Variants in HTT observed in about 807,000 individuals in gnomAD.
The protein encoded by HTT is huntington disease protein.
In HTT, 104 loss-of-function variants were observed where a neutral mutation model predicts 362.3. That is an observed-to-expected ratio of 0.29 (90% CI 0.24 to 0.34). HTT has a LOEUF of 0.34. HTT is among the 10% of genes least tolerant of loss of function. HTT has a pLI of 1.00. For missense variants in HTT, 3,301 were observed against 3,928.6 expected (o/e 0.84, Z 4.27); for synonymous variants, 1,577 against 1,548.7 (o/e 1.02, Z -0.43).
chr4:3,140,954 A>G (rs1288198216), intron 22 of HTT, among the ~76,000 whole-genome samples: 1 of 152,228 alleles, frequency 6.6e-6, no homozygotes, highest in African/African-American at 2.4e-5. Context: ...TATCTGTTAA[A>G]ACATTTTCAC....
At chr4:3,200,071 G>A in intron 41 of HTT, 132 bp downstream of exon 41, 1 of 699,552 alleles carries the variant, frequency 1.4e-6, no homozygotes, top group Non-Finnish European at 2.4e-6. Flanking sequence ...TGAAATTTCT[G>A]CTGCATATTA....
chr4:3,208,882 G>A lies in HTT; in HGVS notation c.6262G>A (p.Val2088Met), dbSNP rs1269392837. The change falls in exon 46 of 67, where the codon GTG (valine) becomes ATG (methionine). Residue 2088 changes from valine to methionine, a missense_variant. Physicochemically the swap from Val to Met is conservative, Grantham distance 21. Transcript: ENST00000355072. ...CCACCCGCTGGACGGGGATGGGCAC[G>A]TGTCACTGGAAACAGTGAGTCCGGA... is the stretch of plus-strand genomic sequence containing the variant. ...SSHPLDGDGH[V>M]SLETVSPDKD... The A allele has an allele frequency of 6.8e-6, 11 of 1,613,518 alleles. No homozygotes were observed. The highest frequency in any genetic ancestry group is 5.0e-5 in the Admixed American group (3 of 59,948).
chr4:3,105,990 T>C (rs756377910), intron 5 of HTT, among the ~76,000 whole-genome samples: 8 of 152,236 alleles, frequency 5.3e-5, no homozygotes, highest in Non-Finnish European at 5.9e-5. Flanking sequence ...ATGCTGATGC[T>C]GATATCCCAT....
At chr4:3,178,259 T>C (rs761652004) in intron 34 of HTT, 39 bp from the exon 35 acceptor site, 45 of 1,469,604 alleles carry the variant, frequency 3.1e-5, no homozygotes, top group Admixed American at 5.4e-5. Flanking sequence ...TGTATCTTAA[T>C]TTTAAAAGAA....
intron 10 of HTT, among the ~76,000 whole-genome samples, chr4:3,124,010 G>C (rs1327242633): frequency 6.6e-6 from 1 of 152,124 alleles, no homozygotes; most frequent in Non-Finnish European, 1.5e-5. Context: ...GTATTAAATG[G>C]GATCTTAACA....
intron 6 of HTT, among the ~76,000 whole-genome samples, chr4:3,113,480 C>T (rs1365417940): frequency 1.3e-5 from 2 of 152,132 alleles, no homozygotes; most frequent in East Asian, 3.9e-4. Context: ...CAGGTGCGTA[C>T]CACCATGCCT....
At chr4:3,201,435 C>T (rs1366290926) in intron 41 of HTT, among the ~76,000 whole-genome samples, 4 of 145,984 alleles carry the variant, frequency 2.7e-5, no homozygotes, top group African/African-American at 7.7e-5. Flanking sequence ...AAGGCTGAGG[C>T]GGGAGAATCG....
intron 1 of HTT, among the ~76,000 whole-genome samples, chr4:3,080,120 G>GT (rs1216737028): frequency 2.9e-5 from 4 of 139,052 alleles, no homozygotes; most frequent in African/African-American, 1.1e-4. Flanking sequence ...TTGAAACGGA[G>GT]TTTCGCTCTT....
intron 36 of HTT, among the ~76,000 whole-genome samples, chr4:3,181,703 C>G (rs937954889): frequency 6.6e-6 from 1 of 152,102 alleles, no homozygotes; most frequent in African/African-American, 2.4e-5. Flanking sequence ...AATTAAATCA[C>G]ATAATTGCAA....
At chr4:3,075,378 C>T (rs1047295690) in intron 1 of HTT, among the ~76,000 whole-genome samples, 8 of 152,262 alleles carry the variant, frequency 5.3e-5, no homozygotes, top group African/African-American at 9.6e-5. Context: ...GGCCTCAGCC[C>T]TCTCGCCCTT....
Position 3,115,442 on chromosome 4 carries a change from T to C in HTT, c.886T>C (p.Leu296=), listed in dbSNP as rs1210975325. ...CTATAGTTGGCTACTAAATGTGCTCTTAGGTAAGGTGGAGGCATATGAGTG... is the reference window on the plus strand; with the variant it reads ...CTATAGTTGGCTACTAAATGTGCTCCTAGGTAAGGTGGAGGCATATGAGTG... The part of the protein sequence containing the change: ...YFYSWLLNVL[L]GLLVPVEDEH... Residue 296 remains leucine (L), a synonymous_variant, in exon 7 of 67, where the codon TTA becomes CTA. Coordinates refer to ENST00000355072, the MANE Select transcript of HTT (RefSeq NM_001388492.1). 6.2e-7 allele frequency: 1 copy of C among 1,612,194 alleles called. No homozygotes were observed. The highest frequency in any genetic ancestry group is 1.3e-5 in the African/African-American group (1 of 74,880).
intron 56 of HTT, among the ~76,000 whole-genome samples, chr4:3,224,534 G>A (rs1197095272): frequency 6.6e-6 from 1 of 152,126 alleles, no homozygotes; most frequent in Admixed American, 6.5e-5. Context: ...TGAGCACCCC[G>A]CTCCCTGCAC....
At chr4:3,219,427 T>C (rs562684394) in intron 52 of HTT, among the ~76,000 whole-genome samples, 2 of 152,238 alleles carry the variant, frequency 1.3e-5, no homozygotes, top group South Asian at 4.2e-4. Flanking sequence ...AGTGCGGTCA[T>C]CTGGAAGGCA....
Position 3,233,218 on chromosome 4 carries a change from G to C in HTT, c.8321G>C (p.Ser2774Thr). 1 of 1,602,358 alleles carries C rather than the reference G, an allele frequency of 6.2e-7. No individual in the cohort carries two copies. The change falls in exon 61 of 67, where the codon AGC becomes ACC. Residue 2774 changes from serine (S) to threonine (T), a missense_variant. This residue lies in a region of HTT where 753 missense variants were observed against 1,021.3 expected (regional missense o/e 0.74). Coordinates refer to ENST00000355072, the MANE Select transcript of HTT (RefSeq NM_001388492.1). ...CTGCTGGAGAGCACGCTCAGGAGCA[G>C]CCACCTGCCCAGCAGGGTTGGAGCC... ...SRLLESTLRS[S>T]HLPSRVGALH... is the part of the protein sequence containing the mutation.
intron 53 of HTT, among the ~76,000 whole-genome samples, chr4:3,221,915 A>T (rs895370674): frequency 6.6e-6 from 1 of 152,268 alleles, no homozygotes; most frequent in African/African-American, 2.4e-5. Flanking sequence ...CACATACTAC[A>T]GATTTCACCC....
intron 37 of HTT, among the ~76,000 whole-genome samples, chr4:3,186,272 G>A (rs1047485804): frequency 1.1e-4 from 16 of 152,134 alleles, no homozygotes; most frequent in Admixed American, 7.9e-4. Context: ...TCCCCAAAAT[G>A]TTGGTAATGA....
chr4:3,171,887 G>T (rs1717996936), intron 29 of HTT, among the ~76,000 whole-genome samples: 2 of 152,208 alleles, frequency 1.3e-5, no homozygotes, highest in Non-Finnish European at 2.9e-5. Context: ...CATTTTTGCA[G>T]ATTATTTTAA....
chr4:3,173,678 T>C (rs189513221), intron 31 of HTT, among the ~76,000 whole-genome samples: 1 of 152,088 alleles, frequency 6.6e-6, no homozygotes. Context: ...ATTTGTTTTT[T>C]TTTTTTTTGA....
chr4:3,204,059 G>C lies in HTT; in HGVS notation c.5629G>C (p.Glu1877Gln), dbSNP rs780583078. ...ACTTAGTCCCCAGATGTCTGGAGAA[G>C]AGGAGGATTCTGACTTGGCAGCCAA... ...KLLSPQMSGE[E>Q]EDSDLAAKLG... The change falls in exon 42 of 67, where the codon GAG becomes CAG. Residue 1877 changes from glutamate (E) to glutamine (Q), a missense_variant. Glu to Gln is a conservative substitution (Grantham distance 29, BLOSUM62 2). Transcript: ENST00000355072. 23 of 1,614,074 alleles carry C rather than the reference G, an allele frequency of 1.4e-5. No homozygotes were observed. Among genetic ancestry groups the C allele is most frequent in the Non-Finnish European group, 1.9e-5 (22 of 1,179,894 alleles).
Sources: allele counts gnomAD v4.1 joint callset (sites outside exome capture counted in the v4.1 genomes callset), GRCh38; gene constraint gnomAD v4.1.1; regional missense constraint gnomAD v4.1.1; transcripts MANE v1.5; gene names NCBI Gene and HGNC (gene_info 2026-07-23, HGNC 2026-07-21).